The following NAALADL2 variants were observed in gnomAD, a reference collection of about 807,000 sequenced individuals.
The protein encoded by NAALADL2 is inactive N-acetylated-alpha-linked acidic dipeptidase-like protein 2.
A neutral mutation model predicts 87.2 loss-of-function variants in NAALADL2; 76 were observed. The ratio of observed to expected loss-of-function variants is 0.87; its 90% CI spans 0.72 to 1.05. The LOEUF (loss-of-function observed/expected upper bound fraction) is 1.05, where lower values mean the gene tolerates loss of function less well. Among genes scored for constraint, NAALADL2 ranks in the 50% least tolerant of loss-of-function variants. NAALADL2 has a pLI of 0.00. For missense variants in NAALADL2, 1,089 were observed against 945.8 expected, an observed-to-expected ratio of 1.15 and a Z score of -1.99; for synonymous variants, 354 against 331.0, an observed-to-expected ratio of 1.07 and a Z score of -0.75.
chr3:175,638,848 A>T (rs1185769756), intron 11 of NAALADL2, among the ~76,000 whole-genome samples: 1 of 152,226 alleles, frequency 6.6e-6, no homozygotes, highest in Non-Finnish European at 1.5e-5. Context: ...CCCATAACTG[A>T]AAATAATGAT....
rs1257627267 is a variant in NAALADL2 at position 174,806,231 on chromosome 3, A to G, written c.-9+68485A>G. Among the ~76,000 whole-genome samples the G allele has an allele frequency of 3.9e-5, 6 of 152,300 alleles. No homozygotes were observed. The East Asian group carries it at 1.2e-3, about 29-fold the overall frequency. ...TTAGGACCCAATACCTATGAAAGGG[A>G]GGAAAAGAAGAAGTGAGCCAAGGGA... On this transcript the variant is annotated intron_variant, in intron 3 of 3. Coordinates refer to the NAALADL2 transcript ENST00000434257.
At chr3:175,713,610 TA>T (rs1247767829) in intron 11 of NAALADL2, among the ~76,000 whole-genome samples, 2 of 152,156 alleles carry the variant, frequency 1.3e-5, no homozygotes, top group African/African-American at 4.8e-5. Context: ...TAATAATTGA[TA>T]AAGGCAGTTC....
intron 3 of NAALADL2, among the ~76,000 whole-genome samples, chr3:174,770,053 C>T (rs886711244): frequency 6.6e-6 from 1 of 152,046 alleles, no homozygotes; most frequent in Non-Finnish European, 1.5e-5. Flanking sequence ...ATATTTAAAA[C>T]AAGAAGTAAT....
At chr3:175,346,389 A>G (rs66975162) in intron 5 of NAALADL2, among the ~76,000 whole-genome samples, 22,547 of 152,130 alleles carry the variant, frequency 0.15, 2,602 homozygotes, top group African/African-American at 0.33. Context: ...TAAATGGAAT[A>G]TATACATTCC....
At chr3:175,125,546 TTTGA>T (rs1726822704) in intron 2 of NAALADL2, among the ~76,000 whole-genome samples, 1 of 152,064 alleles carries the variant, frequency 6.6e-6, no homozygotes, top group East Asian at 1.9e-4. Flanking sequence ...AACGGGATCC[TTTGA>T]TTGATTACAT....
intron 1 of NAALADL2, among the ~76,000 whole-genome samples, chr3:174,931,369 A>G (rs1190928248): frequency 6.6e-6 from 1 of 152,212 alleles, no homozygotes; most frequent in Non-Finnish European, 1.5e-5. Context: ...AGGAAATCAC[A>G]TAACTGCTCT....
chr3:175,006,812 C>T (rs1242804749), intron 1 of NAALADL2, among the ~76,000 whole-genome samples: 1 of 151,196 alleles, frequency 6.6e-6, no homozygotes, highest in African/African-American at 2.4e-5. Context: ...TTCAGTAAAA[C>T]CCAACACATA....
chr3:175,177,118 T>A (rs1008511977), intron 2 of NAALADL2, among the ~76,000 whole-genome samples: 3 of 152,084 alleles, frequency 2.0e-5, no homozygotes, highest in African/African-American at 4.8e-5. Flanking sequence ...TCCTTCCTCA[T>A]GCCCTAGCAC....
At chr3:175,447,405 C>T in intron 6 of NAALADL2, 33 bp downstream of exon 6, 1 of 1,458,540 alleles carries the variant, frequency 6.9e-7, no homozygotes, top group Non-Finnish European at 9.2e-7. Flanking sequence ...CTGTATTTTA[C>T]AGTTTTTTTA....
chr3:175,739,904 A>G (rs1363237657), intron 12 of NAALADL2, among the ~76,000 whole-genome samples: 2 of 152,232 alleles, frequency 1.3e-5, no homozygotes, highest in Non-Finnish European at 2.9e-5. Flanking sequence ...ACAAATTTGC[A>G]TTCCCAAAAT....
intron 11 of NAALADL2, among the ~76,000 whole-genome samples, chr3:175,668,331 A>T (rs1733490936): frequency 6.6e-6 from 1 of 152,122 alleles, no homozygotes; most frequent in Admixed American, 6.5e-5. Flanking sequence ...ATGGCCACAG[A>T]TCTTTTTTAT....
At chr3:175,374,668 T>C (rs1766926790) in intron 5 of NAALADL2, among the ~76,000 whole-genome samples, 1 of 146,450 alleles carries the variant, frequency 6.8e-6, no homozygotes, top group South Asian at 2.2e-4. Flanking sequence ...AGCCCAGGAG[T>C]TTGAGACCAG....
At chr3:175,072,157 C>G (rs1188376087) in intron 1 of NAALADL2, among the ~76,000 whole-genome samples, 1 of 152,024 alleles carries the variant, frequency 6.6e-6, no homozygotes, top group Non-Finnish European at 1.5e-5. Flanking sequence ...TGAAAGAGTT[C>G]TACAAGCTTT....
At chr3:175,006,457 C>T (rs1439618511) in intron 1 of NAALADL2, among the ~76,000 whole-genome samples, 3 of 152,152 alleles carry the variant, frequency 2.0e-5, no homozygotes, top group Non-Finnish European at 4.4e-5. Flanking sequence ...GGAACATTAT[C>T]TAAAGTTACC....
At chr3:175,315,447 A>G (rs1309678976) in intron 4 of NAALADL2, among the ~76,000 whole-genome samples, 3 of 152,184 alleles carry the variant, frequency 2.0e-5, no homozygotes, top group Non-Finnish European at 4.4e-5. Context: ...ATTATCAGTA[A>G]TGGACATTTT....
rs10591566 is a variant in NAALADL2, at chr3:175,463,701, GGAGAGA to G, written c.1327+238_1327+243del. On this transcript the variant is annotated intron_variant, in intron 7 of 13. Transcript: ENST00000454872. The stretch of plus-strand genomic sequence containing the variant: ...TCTTCTAAAATAAATCTTAGTCGGG[GGAGAGA>G]GAGAGAGAGAGAGAGAGAGAGAGAG... Among the ~76,000 whole-genome samples, 658 of 115,488 alleles carry G rather than the reference GGAGAGA, an allele frequency of 5.7e-3. 9 individuals are homozygous for G. Among genetic ancestry groups the G allele is most frequent in the African/African-American group, 0.021 (527 of 25,378 alleles). 75.8% of individuals were successfully genotyped at this position (115,488 alleles called of 152,430 possible).
chr3:175,540,989 A>T (rs1712219909), intron 9 of NAALADL2, among the ~76,000 whole-genome samples: 1 of 152,200 alleles, frequency 6.6e-6, no homozygotes, highest in African/African-American at 2.4e-5. Flanking sequence ...TTTAGTATAA[A>T]TGCCATGAAG....
chr3:175,118,568 T>C (rs992386953), intron 2 of NAALADL2, among the ~76,000 whole-genome samples: 6 of 151,752 alleles, frequency 4.0e-5, no homozygotes, highest in African/African-American at 7.3e-5. Context: ...GCACATGGTA[T>C]AGTGGTGCCA....
At chr3:174,881,066 C>CA (rs1339165045) in intron 1 of NAALADL2, among the ~76,000 whole-genome samples, 9 of 152,166 alleles carry the variant, frequency 5.9e-5, no homozygotes, top group Admixed American at 2.6e-4. Flanking sequence ...ATTCAGAACC[C>CA]ACACTAAATC....
Sources: allele counts gnomAD v4.1 joint callset (sites outside exome capture counted in the v4.1 genomes callset), GRCh38; gene constraint gnomAD v4.1.1; transcripts MANE v1.5; gene names NCBI Gene and HGNC (gene_info 2026-07-23, HGNC 2026-07-21).